HAND2: variants seen among roughly 807,000 people sequenced by gnomAD.
HAND2 encodes heart and neural crest derivatives expressed 2.
In HAND2, 2 loss-of-function variants were observed where a neutral mutation model predicts 14.7. That is an observed-to-expected ratio of 0.14 (90% CI 0.06 to 0.43). The LOEUF (loss-of-function observed/expected upper bound fraction) is 0.43, where lower values mean the gene tolerates loss of function less well. Among genes scored for constraint, HAND2 ranks in the 20% least tolerant of loss-of-function variants. HAND2 has a pLI of 0.99. For missense variants in HAND2, 275 were observed against 313.6 expected (o/e 0.88, Z 0.93); for synonymous variants, 162 against 135.9 (o/e 1.19, Z -1.34).
chr4:173,528,616 T>G lies in HAND2; in HGVS notation c.555+119A>C. 2.3e-6 allele frequency: 3 copies of G among 1,284,528 alleles called. No individual in the cohort carries two copies. The highest frequency in any genetic ancestry group is 2.2e-6 in the Non-Finnish European group (2 of 919,212). The allele number at this position is 1,284,528 out of a possible 1,614,324, so 79.6% of individuals were successfully genotyped here. A position where few individuals can be genotyped will look rare whatever the true frequency, so the allele number is the denominator to read the frequency against. On this transcript the variant is annotated intron_variant, in intron 1 of 1. Coordinates refer to ENST00000359562, the MANE Select transcript of HAND2 (RefSeq NM_021973.3). The surrounding 1 kb of genome is among the most constrained non-coding windows in gnomAD (Gnocchi z 5.6). The stretch of plus-strand genomic sequence containing the variant: ...TTACACAACCTGGTGCAAACAACCT[T>G]GAAGCGGGACGCAGCCAAAGAACAC...
chr4:173,527,267 C>T lies in HAND2; in HGVS notation c.*10G>A. On this transcript the variant is annotated 3_prime_UTR_variant, in exon 2 of 2. Transcript: ENST00000359562. ...CACTCGCGCTCTCCTCCTCCTCCTT[C>T]TCCTCCTCCTCACTGCTTGAGCTCC... is the stretch of plus-strand genomic sequence containing the variant. 1 of 1,587,580 alleles carries T rather than the reference C, an allele frequency of 6.3e-7. No homozygotes were observed. Among genetic ancestry groups the T allele is most frequent in the Non-Finnish European group, 8.6e-7 (1 of 1,159,008 alleles).
chr4:173,527,561 G>A, intron 1 of HAND2, 186 bp from the exon 2 acceptor site: 2 of 629,764 alleles, frequency 3.2e-6, no homozygotes, highest in Non-Finnish European at 5.7e-6. Context: ...AGCCGGCGGG[G>A]AGGCCTCGGC....
chr4:173,528,994 T>G lies in HAND2; in HGVS notation c.296A>C (p.Lys99Thr). 1 of 1,610,716 alleles carries G rather than the reference T, an allele frequency of 6.2e-7. No individual in the cohort carries two copies. Reference sequence around the variant, plus strand: ...CTTGCGGTTGGCGGTGCCTCGGCGCTTCACCGGGCGCGGCCCCCCCAGGCC... The same window carrying G: ...CTTGCGGTTGGCGGTGCCTCGGCGCGTCACCGGGCGCGGCCCCCCCAGGCC... ...PPGLGGPRPV[K>T]RRGTANRKER... Residue 99 changes from lysine to threonine, a missense_variant, in exon 1 of 2, where the codon AAG (lysine) becomes ACG (threonine). Physicochemically the swap from Lys to Thr is moderately conservative, Grantham distance 78. Around this residue, in one of 4 missense-constraint regions of HAND2, gnomAD observed 175 missense variants for 157.1 expected, o/e 1.11. Transcript: ENST00000359562. This position sits in a 1 kb window ranked among gnomAD's most constrained non-coding sequence, Gnocchi z 5.6.
chr4:173,529,374 C>T lies in HAND2; in HGVS notation c.-85G>A. ...CCCGGGCCCCTGCCTCAGCGCTCGG[C>T]GTCCTCCCCCACCCCCCACCCCCCA... On this transcript the variant is annotated 5_prime_UTR_variant, in exon 1 of 2. Transcript: ENST00000359562. 1 of 1,051,858 alleles carries T rather than the reference C, an allele frequency of 9.5e-7. No homozygotes were observed. Among genetic ancestry groups the T allele is most frequent in the Non-Finnish European group, 1.2e-6 (1 of 836,278 alleles). The allele number at this position is 1,051,858 out of a possible 1,614,324, so 65.2% of individuals were successfully genotyped here. A position where few individuals can be genotyped will look rare whatever the true frequency, so the allele number is the denominator to read the frequency against.
Position 173,528,616 on chromosome 4 carries a change from T to C in HAND2, c.555+119A>G, listed in dbSNP as rs1257501210. 5.4e-6 allele frequency: 7 copies of C among 1,284,410 alleles called. No individual in the cohort carries two copies. The African/African-American group carries it at 5.9e-5, about 11-fold the overall frequency. The allele number at this position is 1,284,410 out of a possible 1,614,324, so 79.6% of individuals were successfully genotyped here. ...TTACACAACCTGGTGCAAACAACCT[T>C]GAAGCGGGACGCAGCCAAAGAACAC... On this transcript the variant is annotated intron_variant, in intron 1 of 1. Coordinates refer to ENST00000359562, the MANE Select transcript of HAND2 (RefSeq NM_021973.3). This position sits in a 1 kb window ranked among gnomAD's most constrained non-coding sequence, Gnocchi z 5.6.
rs549352518 is a variant in HAND2 at position 173,527,183 on chromosome 4, C to A, written c.*94G>T. 1.5e-5 allele frequency: 12 copies of A among 817,916 alleles called. No homozygotes were observed. Among genetic ancestry groups the A allele is most frequent in the East Asian group, 2.4e-5 (1 of 41,304 alleles). The allele number at this position is 817,916 out of a possible 1,614,324, so 50.7% of individuals were successfully genotyped here. ...TTCCAAATGCAAGGAGTCCTCAGAG[C>A]GGAGCGCGGACGGCTTTTCCGGAGT... On this transcript the variant is annotated 3_prime_UTR_variant, in exon 2 of 2. Coordinates refer to ENST00000359562, the MANE Select transcript of HAND2 (RefSeq NM_021973.3).
chr4:173,528,701 T>G lies in HAND2; in HGVS notation c.555+34A>C. Reference sequence around the variant, plus strand: ...CGGGAGCACCAGTTCCCTGACCCCCTCAGCCCCACCGCCTGCCGCCCCCTG... The same window carrying G: ...CGGGAGCACCAGTTCCCTGACCCCCGCAGCCCCACCGCCTGCCGCCCCCTG... On this transcript the variant is annotated intron_variant, in intron 1 of 1. Coordinates refer to ENST00000359562, the MANE Select transcript of HAND2 (RefSeq NM_021973.3). The surrounding 1 kb of genome is among the most constrained non-coding windows in gnomAD (Gnocchi z 5.6). The G allele has an allele frequency of 6.3e-7, 1 of 1,594,706 alleles. No homozygotes were observed. The highest frequency in any genetic ancestry group is 8.5e-7 in the Non-Finnish European group (1 of 1,171,070).
rs932408458 is a variant in HAND2 at position 173,529,028 on chromosome 4, C to A, written c.262G>T (p.Gly88Trp). ...SHYGGVPPGA[G>W]PPGLGGPRPV... ...CGCGGCCCCCCCAGGCCCGGGGGCC[C>A]GGCGCCCGGCGGCACCCCCCCGTAA... The change falls in exon 1 of 2, where the codon GGG becomes TGG. Residue 88 changes from glycine (G) to tryptophan (W), a missense_variant. Gly to Trp is a radical substitution (Grantham distance 184). Around this residue, in one of 4 missense-constraint regions of HAND2, gnomAD observed 175 missense variants for 157.1 expected, o/e 1.11. Coordinates refer to ENST00000359562, the MANE Select transcript of HAND2 (RefSeq NM_021973.3). 2.7e-6 allele frequency: 4 copies of A among 1,500,398 alleles called. No individual in the cohort carries two copies. In the South Asian group the frequency reaches 4.0e-5, roughly 15 times the overall value. The allele number at this position is 1,500,398 out of a possible 1,614,324, so 92.9% of individuals were successfully genotyped here.
chr4:173,527,207 G>T lies in HAND2; in HGVS notation c.*70C>A. The T allele has an allele frequency of 9.7e-7, 1 of 1,027,420 alleles. No individual in the cohort carries two copies. The highest frequency in any genetic ancestry group is 1.5e-6 in the Non-Finnish European group (1 of 654,000). The allele number at this position is 1,027,420 out of a possible 1,614,324, so 63.6% of individuals were successfully genotyped here. A position where few individuals can be genotyped will look rare whatever the true frequency, so the allele number is the denominator to read the frequency against. On this transcript the variant is annotated 3_prime_UTR_variant, in exon 2 of 2. Coordinates refer to ENST00000359562, the MANE Select transcript of HAND2 (RefSeq NM_021973.3). ...GCGGAGCGCGGACGGCTTTTCCGGA[G>T]TCCTGGGTCTGCATCTGGCGCCTTG...
In HAND2 at chr4:173,526,191, A is replaced by G. The variant is rs1224737239; in HGVS notation, c.*1086T>C. 6.6e-6 allele frequency: 1 copy of G among 151,476 alleles called. No individual in the cohort carries two copies. Among genetic ancestry groups the G allele is most frequent in the Non-Finnish European group, 1.5e-5 (1 of 67,958 alleles). 9.4% of individuals were successfully genotyped at this position (151,476 alleles called of 1,614,324 possible). ...TCCTCACAACTCCTCCACCAGAAAC[A>G]CTCTCCAAACAAAAACTGACGGCCT... On this transcript the variant is annotated 3_prime_UTR_variant, in exon 2 of 2. Transcript: ENST00000359562.
rs1417918413 is a variant in HAND2 at position 173,528,673 on chromosome 4, G to A, written c.555+62C>T. 14 of 1,557,774 alleles carry A rather than the reference G, an allele frequency of 9.0e-6. No individual in the cohort carries two copies. Among genetic ancestry groups the A allele is most frequent in the African/African-American group, 1.4e-5 (1 of 73,516 alleles). On this transcript the variant is annotated intron_variant, in intron 1 of 1. Transcript: ENST00000359562. This position sits in a 1 kb window ranked among gnomAD's most constrained non-coding sequence, Gnocchi z 5.6. ...CCATTTCTCAGCCCAATTGGAAAGAGGCCGGGAGCACCAGTTCCCTGACCC... is the reference window on the plus strand; with the variant it reads ...CCATTTCTCAGCCCAATTGGAAAGAAGCCGGGAGCACCAGTTCCCTGACCC...
chr4:173,528,737 G>A lies in HAND2; in HGVS notation c.553C>T (p.Leu185=), dbSNP rs1731589172. ...DVKEEKRKKE[L]NEILKSTVSS... ...GCCTGCCGCCCCCTGGTACTGACCAGCTCCTTCTTCCTCTTCTCCTCTTTC... is the reference window on the plus strand; with the variant it reads ...GCCTGCCGCCCCCTGGTACTGACCAACTCCTTCTTCCTCTTCTCCTCTTTC... Residue 185 remains leucine, a splice_region_variant and synonymous_variant, in exon 1 of 2, where the codon CTG becomes TTG. Coordinates refer to ENST00000359562, the MANE Select transcript of HAND2 (RefSeq NM_021973.3). This position sits in a 1 kb window ranked among gnomAD's most constrained non-coding sequence, Gnocchi z 5.6. The A allele has an allele frequency of 1.2e-6, 2 of 1,612,814 alleles. No homozygotes were observed. The highest frequency in any genetic ancestry group is 8.5e-7 in the Non-Finnish European group (1 of 1,179,438).
In HAND2 at chr4:173,529,999, T is replaced by G. The variant is rs747827768; in HGVS notation, c.-710A>C. 2.0e-5 allele frequency: 3 copies of G among 152,204 alleles called. No homozygotes were observed. The highest frequency in any genetic ancestry group is 4.8e-5 in the African/African-American group (2 of 41,442). The allele number at this position is 152,204 out of a possible 1,614,324, so 9.4% of individuals were successfully genotyped here. A position where few individuals can be genotyped will look rare whatever the true frequency, so the allele number is the denominator to read the frequency against. On this transcript the variant is annotated 5_prime_UTR_variant, in exon 1 of 2. Coordinates refer to ENST00000359562, the MANE Select transcript of HAND2 (RefSeq NM_021973.3). ...GTGTCCTCGCTCCTCTCGCGCTCTC[T>G]CGGAGGGTTTTCAGAGAGGTCTCAG...
Position 173,528,915 on chromosome 4 carries a change from G to A in HAND2, c.375C>T (p.Cys125=). Residue 125 remains cysteine (C), a synonymous_variant, in exon 1 of 2, where the codon TGC becomes TGT. Coordinates refer to ENST00000359562, the MANE Select transcript of HAND2 (RefSeq NM_021973.3). The surrounding 1 kb of genome is among the most constrained non-coding windows in gnomAD (Gnocchi z 5.6). ...INSAFAELRE[C]IPNVPADTKL... Reference sequence around the variant, plus strand: ...TGGTGTCGGCGGGTACGTTGGGGATGCACTCGCGCAGTTCGGCGAAGGCGC... The same window carrying A: ...TGGTGTCGGCGGGTACGTTGGGGATACACTCGCGCAGTTCGGCGAAGGCGC... 1 of 1,614,070 alleles carries A rather than the reference G, an allele frequency of 6.2e-7. No homozygotes were observed. The highest frequency in any genetic ancestry group is 2.2e-5 in the East Asian group (1 of 44,836).
intron 1 of HAND2, chr4:173,527,580 G>A (rs543159455): frequency 1.7e-6 from 1 of 599,282 alleles, no homozygotes; most frequent in South Asian, 2.0e-5. Flanking sequence ...GCGCTGCAGC[G>A]CTCAACAACC....
rs767110094 is a variant in HAND2, at chr4:173,527,127, G to A, written c.*150C>T. The A allele has an allele frequency of 2.7e-5, 19 of 709,070 alleles. No homozygotes were observed. The East Asian group carries it at 4.8e-4, about 18-fold the overall frequency. 43.9% of individuals were successfully genotyped at this position (709,070 alleles called of 1,614,324 possible). On this transcript the variant is annotated 3_prime_UTR_variant, in exon 2 of 2. Transcript: ENST00000359562. ...GCCTCAAAGGGGGTCAAAGAGAGGG[G>A]AAGGAAATTGCACATAAATAAACCG...
At position 173,529,715 on chromosome 4, in the gene HAND2, C is replaced by T. The variant is rs1421244852; in HGVS notation, c.-426G>A. On this transcript the variant is annotated 5_prime_UTR_variant, in exon 1 of 2. Transcript: ENST00000359562. ...TACGCGGAGTCTCGGGAATCCAAGCCCGGGCCGCGGTCCTGGCACCGAAGC... is the reference window on the plus strand; with the variant it reads ...TACGCGGAGTCTCGGGAATCCAAGCTCGGGCCGCGGTCCTGGCACCGAAGC... The T allele has an allele frequency of 1.3e-5, 2 of 152,178 alleles. No individual in the cohort carries two copies. Among genetic ancestry groups the T allele is most frequent in the Non-Finnish European group, 2.9e-5 (2 of 68,054 alleles). The allele number at this position is 152,178 out of a possible 1,614,324, so 9.4% of individuals were successfully genotyped here. A position where few individuals can be genotyped will look rare whatever the true frequency, so the allele number is the denominator to read the frequency against.
At position 173,528,543 on chromosome 4, in the gene HAND2, C is replaced by T. The variant is rs116212529; in HGVS notation, c.555+192G>A. 1,065 of 654,924 alleles carry T rather than the reference C, an allele frequency of 1.6e-3. 6 individuals carry two copies. The highest frequency in any genetic ancestry group is 0.014 in the African/African-American group (778 of 55,294). 40.6% of individuals were successfully genotyped at this position (654,924 alleles called of 1,614,324 possible). A position where few individuals can be genotyped will look rare whatever the true frequency, so the allele number is the denominator to read the frequency against. ...AAAGCATCCCTAACCTTCTCCTCCTCCTGCTGACACCCTCCCCTCAACTCT... is the reference window on the plus strand; with the variant it reads ...AAAGCATCCCTAACCTTCTCCTCCTTCTGCTGACACCCTCCCCTCAACTCT... On this transcript the variant is annotated intron_variant, in intron 1 of 1. Transcript: ENST00000359562. This position sits in a 1 kb window ranked among gnomAD's most constrained non-coding sequence, Gnocchi z 5.6.
Position 173,527,017 on chromosome 4 carries a change from C to T in HAND2, c.*260G>A. The T allele has an allele frequency of 3.1e-6, 2 of 641,700 alleles. No individual in the cohort carries two copies. The highest frequency in any genetic ancestry group is 3.0e-5 in the South Asian group (2 of 66,160). 39.8% of individuals were successfully genotyped at this position (641,700 alleles called of 1,614,324 possible). A position where few individuals can be genotyped will look rare whatever the true frequency, so the allele number is the denominator to read the frequency against. On this transcript the variant is annotated 3_prime_UTR_variant, in exon 2 of 2. Coordinates refer to ENST00000359562, the MANE Select transcript of HAND2 (RefSeq NM_021973.3). The stretch of plus-strand genomic sequence containing the variant: ...TGAGACGACGGGATCCCTTACCACA[C>T]GGGAGTGTCCTCTTCGTATTAAAAT...
Sources: allele counts gnomAD v4.1 joint callset, GRCh38; gene constraint gnomAD v4.1.1; regional missense constraint gnomAD v4.1.1; non-coding constraint Gnocchi (gnomAD v3.1); transcripts MANE v1.5; gene names NCBI Gene and HGNC (gene_info 2026-07-23, HGNC 2026-07-21).